PCDH7: variants seen among roughly 807,000 people sequenced by gnomAD.
PCDH7 encodes the protein protocadherin 7.
A neutral mutation model predicts 58.9 loss-of-function variants in PCDH7; 17 were observed. The observed-to-expected ratio is 0.29, with a 90% CI of 0.20 to 0.43. The LOEUF (loss-of-function observed/expected upper bound fraction) is 0.43. Ranked by LOEUF, PCDH7 falls within the 20% of genes least tolerant of loss-of-function variation. The pLI is 1.00. For missense variants in PCDH7, 1,274 were observed against 1,441.0 expected, an observed-to-expected ratio of 0.88 and a Z score of 1.88; for synonymous variants, 664 against 616.4, an observed-to-expected ratio of 1.08 and a Z score of -1.14.
chr4:30,967,120 C>T (rs1329861509), intron 3 of PCDH7, among the ~76,000 whole-genome samples: 1 of 151,766 alleles, frequency 6.6e-6, no homozygotes, highest in African/African-American at 2.4e-5. Context: ...AAAATTGTAA[C>T]TTAAAAAGTT....
intron 3 of PCDH7, among the ~76,000 whole-genome samples, chr4:31,139,986 C>T (rs1467211831): frequency 6.6e-6 from 1 of 152,018 alleles, no homozygotes; most frequent in Non-Finnish European, 1.5e-5. Context: ...AGCTGCCTTT[C>T]GTTAAAAGCA....
Position 30,849,548 on chromosome 4 carries a change from G to T in PCDH7, c.71-70605G>T, listed in dbSNP as rs138620666. 6.9e-3 allele frequency among the ~76,000 whole-genome samples: 1,048 copies of T among 152,208 alleles called. 9 individuals carry two copies. Among genetic ancestry groups the T allele is most frequent in the African/African-American group, 0.023 (961 of 41,532 alleles). On this transcript the variant is annotated intron_variant, in intron 1 of 3. Coordinates refer to the PCDH7 transcript ENST00000509759. ...ATGCCTGTGTGTGTCTATGAGTTAG[G>T]TTATTATGAATGTGTAGCTTCTGCT...
intron 3 of PCDH7, among the ~76,000 whole-genome samples, chr4:31,078,639 ATTTTTTTT>A (rs10709152): frequency 6.8e-5 from 5 of 73,564 alleles, no homozygotes; most frequent in Non-Finnish European, 1.2e-4. Flanking sequence ...ACCATGCCCC[ATTTTTTTT>A]TTTTTTTTTT....
chr4:31,027,027 T>C (rs1754492335), intron 3 of PCDH7, among the ~76,000 whole-genome samples: 1 of 152,200 alleles, frequency 6.6e-6, no homozygotes, highest in African/African-American at 2.4e-5. Context: ...ACTAATCTAA[T>C]GCAATTATAA....
chr4:31,144,457 C>A (rs1720546156), downstream of PCDH7: 1 of 152,164 alleles, frequency 6.6e-6, no homozygotes, highest in African/African-American at 2.4e-5. Flanking sequence ...ACGAAAGTGA[C>A]AATCCATGGA....
intron 3 of PCDH7, among the ~76,000 whole-genome samples, chr4:30,973,792 T>A (rs1218378856): frequency 2.6e-5 from 4 of 152,032 alleles, no homozygotes; most frequent in Non-Finnish European, 5.9e-5. Flanking sequence ...TATTGTAATC[T>A]ATCTCCATTT....
At chr4:30,860,934 A>C (rs1171368623) in intron 1 of PCDH7, among the ~76,000 whole-genome samples, 1 of 152,168 alleles carries the variant, frequency 6.6e-6, no homozygotes, top group Non-Finnish European at 1.5e-5. Context: ...TGCTGTTTAC[A>C]TAGGACACTT....
At chr4:30,886,815 C>T (rs1171193125) in intron 1 of PCDH7, among the ~76,000 whole-genome samples, 1 of 150,302 alleles carries the variant, frequency 6.7e-6, no homozygotes, top group Non-Finnish European at 1.5e-5. Flanking sequence ...GAGTTCATGT[C>T]CTTTGCAGGG....
At chr4:30,906,265 T>G (rs1740911074) in intron 1 of PCDH7, among the ~76,000 whole-genome samples, 2 of 152,098 alleles carry the variant, frequency 1.3e-5, no homozygotes, top group Admixed American at 1.3e-4. Context: ...GTCATATGGT[T>G]TAAGAGAATT....
intron 3 of PCDH7, among the ~76,000 whole-genome samples, chr4:31,106,801 G>A (rs535909695): frequency 1.3e-5 from 2 of 152,250 alleles, no homozygotes; most frequent in East Asian, 1.9e-4. Flanking sequence ...GTCCATTTAG[G>A]ATAGTATTCT....
chr4:30,853,340 A>T (rs1733027672), intron 1 of PCDH7, among the ~76,000 whole-genome samples: 1 of 152,060 alleles, frequency 6.6e-6, no homozygotes, highest in Non-Finnish European at 1.5e-5. Context: ...TGCGGTGAGT[A>T]TTAGATATTT....
Position 30,816,901 on chromosome 4 carries a change from G to A in PCDH7, c.70+92305G>A, listed in dbSNP as rs1177616986. 2.0e-5 allele frequency among the ~76,000 whole-genome samples: 3 copies of A among 152,204 alleles called. No homozygotes were observed. The East Asian group carries it at 5.8e-4, about 29-fold the overall frequency. On this transcript the variant is annotated intron_variant, in intron 1 of 3. Coordinates refer to the PCDH7 transcript ENST00000509759. Reference sequence around the variant, plus strand: ...AAAGGCCTTTTGTTTGCATTCCAATGTAGAAGAAAGAACTTCATCAGCTGG... The same window carrying A: ...AAAGGCCTTTTGTTTGCATTCCAATATAGAAGAAAGAACTTCATCAGCTGG...
At chr4:31,107,612 G>C (rs1715739194) in intron 3 of PCDH7, among the ~76,000 whole-genome samples, 1 of 152,068 alleles carries the variant, frequency 6.6e-6, no homozygotes, top group African/African-American at 2.4e-5. Context: ...TAGTCATCTG[G>C]GATGAGAGTT....
chr4:31,091,749 A>G (rs1052146455), intron 3 of PCDH7, among the ~76,000 whole-genome samples: 7 of 152,058 alleles, frequency 4.6e-5, no homozygotes, highest in African/African-American at 1.7e-4. Flanking sequence ...TATACATAAA[A>G]ATATATAATT....
intron 3 of PCDH7, among the ~76,000 whole-genome samples, chr4:31,002,632 A>T (rs1752443682): frequency 6.6e-6 from 1 of 152,234 alleles, no homozygotes; most frequent in African/African-American, 2.4e-5. Flanking sequence ...GTAAAGTAGA[A>T]TATTTCTTTA....
At chr4:31,054,378 T>C (rs189361229) in intron 3 of PCDH7, among the ~76,000 whole-genome samples, 75 of 152,314 alleles carry the variant, frequency 4.9e-4, no homozygotes, top group African/African-American at 1.7e-3. Context: ...ATTATTAACA[T>C]GTCCAAGTTA....
At chr4:30,887,043 G>C (rs1360735311) in intron 1 of PCDH7, among the ~76,000 whole-genome samples, 1 of 150,418 alleles carries the variant, frequency 6.6e-6, no homozygotes, top group South Asian at 2.1e-4. Flanking sequence ...TGACGAGTTA[G>C]TGGGTGCAGC....
At chr4:31,116,486 G>C (rs1716998183) in intron 3 of PCDH7, among the ~76,000 whole-genome samples, 1 of 152,150 alleles carries the variant, frequency 6.6e-6, no homozygotes, top group South Asian at 2.1e-4. Context: ...GACAAACTTT[G>C]TCTTGATCAC....
chr4:30,764,781 C>T (rs1353143993), intron 1 of PCDH7, among the ~76,000 whole-genome samples: 4 of 152,018 alleles, frequency 2.6e-5, no homozygotes, highest in Admixed American at 2.0e-4. Context: ...AGCACAGTGG[C>T]GCGATCTCAG....
Sources: allele counts gnomAD v4.1 joint callset (sites outside exome capture counted in the v4.1 genomes callset), GRCh38; gene constraint gnomAD v4.1.1; transcripts MANE v1.5; gene names NCBI Gene and HGNC (gene_info 2026-07-23, HGNC 2026-07-21).